Variants in TMPO observed in about 807,000 individuals in gnomAD.
TMPO encodes LEM domain containing 4.
TMPO carries 22 observed loss-of-function variants against 45.4 expected under a neutral mutation model. The observed-to-expected ratio is 0.48, with a 90% CI of 0.35 to 0.69. TMPO has a LOEUF of 0.69. Among genes scored for constraint, TMPO ranks in the 30% least tolerant of loss-of-function variants. TMPO has a pLI of 0.01. For missense variants in TMPO, 512 were observed against 548.8 expected (o/e 0.93, Z 0.67); for synonymous variants, 241 against 204.1 (o/e 1.18, Z -1.54).
Position 98,516,426 on chromosome 12 carries a change from C to T in TMPO, c.279+280C>T, listed in dbSNP as rs1300127109. 8 of 1,168,216 alleles carry T rather than the reference C, an allele frequency of 6.8e-6. No individual in the cohort carries two copies. In the African/African-American group the frequency reaches 1.3e-4, roughly 19 times the overall value. The allele number at this position is 1,168,216 out of a possible 1,614,324, so 72.4% of individuals were successfully genotyped here. ...GTTTTGCACGCAGTCGACGCCGCTT[C>T]CCTGGACCACCAGCCGCCTGCAGCG... On this transcript the variant is annotated intron_variant, in intron 1 of 8. Coordinates refer to ENST00000556029, the MANE Select transcript of TMPO (RefSeq NM_001032283.3).
At chr12:98,546,034 A>G (rs965364983) in intron 7 of TMPO, among the ~76,000 whole-genome samples, 2 of 152,188 alleles carry the variant, frequency 1.3e-5, no homozygotes, top group East Asian at 3.8e-4. Context: ...TACCCGGCCC[A>G]ACAATATACT....
chr12:98,521,021 A>G (rs766665603), intron 1 of TMPO, among the ~76,000 whole-genome samples: 3 of 151,780 alleles, frequency 2.0e-5, no homozygotes, highest in Non-Finnish European at 2.9e-5. Flanking sequence ...TTTAAGACAA[A>G]TCAAGCATTA....
At chr12:98,516,177 G>A (rs998837939) in intron 1 of TMPO, 31 bp downstream of exon 1, 1 of 1,333,504 alleles carries the variant, frequency 7.5e-7, no homozygotes, top group African/African-American at 1.5e-5. Context: ...CTACAAAGGC[G>A]GGCGTTTGGC....
chr12:98,527,812 A>ATG, intron 1 of TMPO, 74 bp from the exon 2 acceptor site: 1 of 1,569,272 alleles, frequency 6.4e-7, no homozygotes, highest in East Asian at 2.2e-5. Context: ...TTGCATGTTT[A>ATG]TGTTATACAG....
rs1328671328 is a variant in TMPO at position 98,549,105 on chromosome 12, G to C, written c.*1247G>C. ...CACTGCACTGTAGCCTGGCGACAGA[G>C]CAAGACTCCATCTCAAAAAAAATAA... On this transcript the variant is annotated 3_prime_UTR_variant, in exon 9 of 9. Transcript: ENST00000556029. The C allele has an allele frequency of 2.6e-5, 4 of 152,116 alleles. No homozygotes were observed. The highest frequency in any genetic ancestry group is 9.7e-5 in the African/African-American group (4 of 41,404). 9.4% of individuals were successfully genotyped at this position (152,116 alleles called of 1,614,324 possible).
At chr12:98,536,695 AATG>A (rs1293048952) in intron 3 of TMPO, among the ~76,000 whole-genome samples, 3 of 152,202 alleles carry the variant, frequency 2.0e-5, no homozygotes, top group Non-Finnish European at 2.9e-5. Flanking sequence ...TAGATCTTCA[AATG>A]ATGATGAATT....
intron 3 of TMPO, among the ~76,000 whole-genome samples, chr12:98,536,328 T>A (rs981074105): frequency 6.6e-6 from 1 of 152,322 alleles, no homozygotes; most frequent in African/African-American, 2.4e-5. Flanking sequence ...CTAATTTTGC[T>A]ATACCATGAT....
Position 98,546,372 on chromosome 12 carries a change from C to A in TMPO, c.1004C>A (p.Thr335Lys), listed in dbSNP as rs1565817700. 1 of 1,611,732 alleles carries A rather than the reference C, an allele frequency of 6.2e-7. No homozygotes were observed. The highest frequency in any genetic ancestry group is 1.1e-5 in the South Asian group (1 of 91,042). Reference protein sequence around the residue: ...PLTRAEVGEKTEERRVERDIL... With the variant: ...PLTRAEVGEKKEERRVERDIL... The stretch of plus-strand genomic sequence containing the variant: ...GTTTCTTATTAGGTGGGAGAAAAAA[C>A]AGAGGAAAGAAGAGTAGAAAGGGAT... The change falls in exon 8 of 9, where the codon ACA becomes AAA. Residue 335 changes from threonine (T) to lysine (K), a missense_variant. Physicochemically the swap from Thr to Lys is moderately conservative, Grantham distance 78. Coordinates refer to ENST00000556029, the MANE Select transcript of TMPO (RefSeq NM_001032283.3).
chr12:98,547,464 C>T, intron 8 of TMPO, 109 bp from the exon 9 acceptor site: 1 of 1,319,962 alleles, frequency 7.6e-7, no homozygotes, highest in Non-Finnish European at 1.1e-6. Context: ...CTACTGTTAC[C>T]TCAGGGAATG....
intron 4 of TMPO, among the ~76,000 whole-genome samples, chr12:98,542,389 T>C (rs79369919): frequency 0.012 from 1,774 of 152,144 alleles, 34 homozygotes; most frequent in African/African-American, 0.041. Context: ...GCTTTAGAAA[T>C]TATCTATTCC....
At chr12:98,545,396 C>G (rs888909664) in intron 7 of TMPO, among the ~76,000 whole-genome samples, 1 of 151,958 alleles carries the variant, frequency 6.6e-6, no homozygotes, top group Non-Finnish European at 1.5e-5. Context: ...ATGAGGGAGG[C>G]TACACTTTCT....
At chr12:98,547,323 C>T (rs542632018) in intron 8 of TMPO, among the ~76,000 whole-genome samples, 1 of 152,298 alleles carries the variant, frequency 6.6e-6, no homozygotes, top group East Asian at 1.9e-4. Flanking sequence ...GATCTGCCCG[C>T]CTTGGCCTCC....
chr12:98,516,331 G>C, intron 1 of TMPO, 185 bp downstream of exon 1: 1 of 1,224,816 alleles, frequency 8.2e-7, no homozygotes, highest in East Asian at 3.4e-5. Flanking sequence ...GAGGCCAGAA[G>C]TTGGGGCCGC....
intron 7 of TMPO, among the ~76,000 whole-genome samples, chr12:98,545,786 G>A (rs903476711): frequency 2.0e-5 from 3 of 151,892 alleles, no homozygotes; most frequent in Admixed American, 1.3e-4. Flanking sequence ...AGGCTGGAGT[G>A]CAGTGGCACG....
At chr12:98,525,110 C>CAGT (rs1555202859) in intron 1 of TMPO, among the ~76,000 whole-genome samples, 2 of 152,096 alleles carry the variant, frequency 1.3e-5, no homozygotes, top group Non-Finnish European at 2.9e-5. Context: ...TTGAGTAAGT[C>CAGT]AGTAACATAG....
chr12:98,539,027 C>G (rs1300204244), intron 4 of TMPO, among the ~76,000 whole-genome samples: 1 of 151,828 alleles, frequency 6.6e-6, no homozygotes, highest in African/African-American at 2.4e-5. Context: ...ATGGAGAAAC[C>G]CTGTCTCTAC....
At chr12:98,532,610 C>G (rs1417522246) in intron 3 of TMPO, among the ~76,000 whole-genome samples, 1 of 152,052 alleles carries the variant, frequency 6.6e-6, no homozygotes, top group Non-Finnish European at 1.5e-5. Context: ...TTTTTGTAAA[C>G]TTTTAATTAA....
At position 98,537,708 on chromosome 12, in the gene TMPO, T is replaced by A. The variant is rs191403403; in HGVS notation, c.663+136T>A. 1.7e-4 allele frequency: 135 copies of A among 784,572 alleles called. 1 individual carries two copies. The East Asian group carries it at 3.5e-3, about 20-fold the overall frequency. The allele number at this position is 784,572 out of a possible 1,614,324, so 48.6% of individuals were successfully genotyped here. A position where few individuals can be genotyped will look rare whatever the true frequency, so the allele number is the denominator to read the frequency against. On this transcript the variant is annotated intron_variant, in intron 4 of 8. Coordinates refer to ENST00000556029, the MANE Select transcript of TMPO (RefSeq NM_001032283.3). ...ACTTAATTCTGTTGTTAAATGATAC[T>A]AAAAATCTAAACTTTGTGGGTTTTG...
At chr12:98,531,627 T>A in intron 2 of TMPO, 53 bp from the exon 3 acceptor site, 1 of 1,570,894 alleles carries the variant, frequency 6.4e-7, no homozygotes, top group Non-Finnish European at 8.7e-7. Flanking sequence ...GTGTCTGAGC[T>A]GCATCCTAAA....
Sources: gnomAD v4.1 joint callset for allele counts (sites outside exome capture counted in the v4.1 genomes callset) on GRCh38, gnomAD v4.1.1 for gene constraint, MANE v1.5 for transcripts, NCBI Gene and HGNC (gene_info 2026-07-23, HGNC 2026-07-21) for gene names.